MYRIP: variants seen among roughly 807,000 people sequenced by gnomAD.
MYRIP encodes the protein rab effector MyRIP.
In MYRIP, 49 loss-of-function variants were observed where a neutral mutation model predicts 98.0. That is an observed-to-expected ratio of 0.50 (90% CI 0.40 to 0.63). The LOEUF (loss-of-function observed/expected upper bound fraction) is 0.63, where lower values mean the gene tolerates loss of function less well. Among genes scored for constraint, MYRIP ranks in the 30% least tolerant of loss-of-function variants. The pLI, the probability that MYRIP is intolerant of heterozygous loss-of-function variation, is 0.00. For missense variants in MYRIP, 1,004 were observed against 1,058.2 expected (o/e 0.95, Z 0.71); for synonymous variants, 404 against 409.5 (o/e 0.99, Z 0.16).
intron 1 of MYRIP, among the ~76,000 whole-genome samples, chr3:39,890,653 T>A (rs1160503974): frequency 4.0e-5 from 6 of 149,366 alleles, no homozygotes; most frequent in Admixed American, 1.3e-4. Context: ...TTTTTTTTTT[T>A]AATATTTGGT....
At chr3:40,245,650 CAAAAAAAA>C (rs1230060850) in intron 13 of MYRIP, among the ~76,000 whole-genome samples, 2 of 62,764 alleles carry the variant, frequency 3.2e-5, no homozygotes, top group Non-Finnish European at 2.9e-5. Context: ...ACTCCATCTC[CAAAAAAAA>C]AAAAAAAAAA....
chr3:39,986,597 G>A (rs1443476272), intron 2 of MYRIP, among the ~76,000 whole-genome samples: 3 of 152,074 alleles, frequency 2.0e-5, no homozygotes, highest in South Asian at 4.2e-4. Context: ...ATGCTGCAGC[G>A]GTACCATGCC....
At position 40,259,771 on chromosome 3, in the gene MYRIP, G is replaced by A. The variant is rs910547240; in HGVS notation, c.*1605G>A. ...CTCCTTTGAAATAAGTAAATCTTTG[G>A]CTTTTTGTTCTGTTGGTGTGATTCA... On this transcript the variant is annotated 3_prime_UTR_variant, in exon 17 of 17. Coordinates refer to ENST00000302541, the MANE Select transcript of MYRIP (RefSeq NM_015460.4). The A allele has an allele frequency of 6.6e-6, 1 of 152,484 alleles. No individual in the cohort carries two copies. Among genetic ancestry groups the A allele is most frequent in the African/African-American group, 2.4e-5 (1 of 41,370 alleles). The allele number at this position is 152,484 out of a possible 1,614,324, so 9.4% of individuals were successfully genotyped here.
At chr3:39,881,368 T>A (rs753631555) in intron 1 of MYRIP, among the ~76,000 whole-genome samples, 7 of 152,144 alleles carry the variant, frequency 4.6e-5, no homozygotes, top group Non-Finnish European at 1.0e-4. Flanking sequence ...GAGATTGGGG[T>A]TCACCATAGA....
chr3:40,143,715 T>C (rs1272334849), intron 3 of MYRIP, among the ~76,000 whole-genome samples: 1 of 152,242 alleles, frequency 6.6e-6, no homozygotes, highest in East Asian at 1.9e-4. Flanking sequence ...GACATTTTGA[T>C]ATATATACAT....
chr3:39,976,847 G>T (rs1025037385), intron 2 of MYRIP, among the ~76,000 whole-genome samples: 4 of 152,186 alleles, frequency 2.6e-5, no homozygotes, highest in Admixed American at 2.6e-4. Context: ...ATTGAACAAT[G>T]AGAACACATG....
intron 10 of MYRIP, among the ~76,000 whole-genome samples, chr3:40,200,237 A>G (rs1004523721): frequency 6.6e-6 from 1 of 151,592 alleles, no homozygotes; most frequent in Non-Finnish European, 1.5e-5. Flanking sequence ...TGGGTCACAC[A>G]TAATATGCTA....
At chr3:39,859,657 C>T (rs1443394086) in intron 1 of MYRIP, among the ~76,000 whole-genome samples, 2 of 152,168 alleles carry the variant, frequency 1.3e-5, no homozygotes, top group East Asian at 3.9e-4. Flanking sequence ...TTAGAAGTAT[C>T]ATACACTATG....
intron 7 of MYRIP, 69 bp from the exon 8 acceptor site, chr3:40,169,881 C>G: frequency 6.3e-7 from 1 of 1,594,300 alleles, no homozygotes; most frequent in Non-Finnish European, 8.6e-7. Context: ...AAAGATGGTC[C>G]CAGTTACTCC....
At chr3:40,100,473 ACCATTGGCTCTATTTCAACAAT>A (rs1270968393) in intron 3 of MYRIP, among the ~76,000 whole-genome samples, 1 of 152,204 alleles carries the variant, frequency 6.6e-6, no homozygotes, top group African/African-American at 2.4e-5. Flanking sequence ...AGCATTTTAA[ACCATTGGCTCTATTTCAACAAT>A]ATGGGTGGAA....
intron 2 of MYRIP, among the ~76,000 whole-genome samples, chr3:39,976,302 C>G (rs1311569392): frequency 2.0e-5 from 3 of 152,206 alleles, no homozygotes; most frequent in African/African-American, 7.2e-5. Flanking sequence ...AAATGCTCAT[C>G]ATCACTGGCC....
rs62719862 is a variant in MYRIP at position 39,919,693 on chromosome 3, G to GGTGT, written c.110+18799_110+18802dup. Among the ~76,000 whole-genome samples the GGTGT allele has an allele frequency of 2.6e-3, 379 of 143,336 alleles. 2 individuals are homozygous for GGTGT. Among genetic ancestry groups the GGTGT allele is most frequent in the Middle Eastern group, 7.1e-3 (2 of 280 alleles). 94.0% of individuals were successfully genotyped at this position (143,336 alleles called of 152,430 possible). ...CTCTGCCATGTGTGCGGGTATGTGT[G>GGTGT]GTGTGTGTGTGTGTGTGTGTGTGTG... On this transcript the variant is annotated intron_variant, in intron 2 of 16. Coordinates refer to ENST00000302541, the MANE Select transcript of MYRIP (RefSeq NM_015460.4).
intron 3 of MYRIP, among the ~76,000 whole-genome samples, chr3:40,123,397 G>A (rs555850020): frequency 2.7e-4 from 41 of 152,298 alleles, no homozygotes; most frequent in African/African-American, 9.9e-4. Flanking sequence ...GACTGAAAAT[G>A]GGGCCTCAGC....
intron 2 of MYRIP, among the ~76,000 whole-genome samples, chr3:39,924,460 C>A (rs1265645886): frequency 1.3e-5 from 2 of 151,964 alleles, no homozygotes; most frequent in African/African-American, 2.4e-5. Context: ...ATGCAGCAAA[C>A]AACAGAGCTT....
intron 7 of MYRIP, among the ~76,000 whole-genome samples, chr3:40,169,607 C>T (rs537540054): frequency 9.8e-5 from 15 of 152,296 alleles, no homozygotes; most frequent in Non-Finnish European, 2.1e-4. Flanking sequence ...GAGCCTGTTT[C>T]CTCATCTATA....
chr3:40,221,042 C>CAAAAAAAAAA (rs150976340), intron 11 of MYRIP, among the ~76,000 whole-genome samples: 5 of 61,598 alleles, frequency 8.1e-5, no homozygotes, highest in African/African-American at 1.1e-4. Context: ...GGCAAGTCAC[C>CAAAAAAAAAA]AAAAAAAAAA....
chr3:39,856,902 C>T (rs1322544373), intron 1 of MYRIP, among the ~76,000 whole-genome samples: 4 of 152,120 alleles, frequency 2.6e-5, no homozygotes, highest in Non-Finnish European at 5.9e-5. Flanking sequence ...ATGAACAAAG[C>T]ACCAAAAAAC....
At chr3:40,098,073 G>A (rs1948865485) in intron 3 of MYRIP, among the ~76,000 whole-genome samples, 1 of 152,168 alleles carries the variant, frequency 6.6e-6, no homozygotes, top group South Asian at 2.1e-4. Flanking sequence ...AAGTCAGAAT[G>A]GATTAGCGGG....
Position 39,987,474 on chromosome 3 carries a change from C to G in MYRIP, c.111-56576C>G, listed in dbSNP as rs989422703. On this transcript the variant is annotated intron_variant, in intron 2 of 16. Transcript: ENST00000302541. ...ATAGTGCTGCAATAAACATGTTTGC[C>G]TGTGTCTTTATAATAGAATGATTTG... 2.6e-5 allele frequency among the ~76,000 whole-genome samples: 4 copies of G among 152,048 alleles called. No individual in the cohort carries two copies. The South Asian group carries it at 6.2e-4, about 24-fold the overall frequency.
Sources: allele counts gnomAD v4.1 joint callset (sites outside exome capture counted in the v4.1 genomes callset), GRCh38; gene constraint gnomAD v4.1.1; transcripts MANE v1.5; gene names NCBI Gene and HGNC (gene_info 2026-07-23, HGNC 2026-07-21).